The following BOD1L1 variants were observed in gnomAD, a reference collection of about 807,000 sequenced individuals.
The protein encoded by BOD1L1 is biorientation of chromosomes in cell division protein 1-like 1.
Under a neutral mutation model 240.7 loss-of-function variants are expected in BOD1L1, and 86 were observed. That is an observed-to-expected ratio of 0.36 (90% CI 0.30 to 0.43). The LOEUF is 0.43. BOD1L1 is among the 20% of genes least tolerant of loss of function. The probability of loss-of-function intolerance (pLI) is 1.00; values close to 1 mark genes in which losing one functional copy is unlikely to be tolerated. For synonymous variants in BOD1L1, 1,268 were observed against 1,272.3 expected, an observed-to-expected ratio of 1.00 and a Z score of 0.07; for missense variants, 3,554 against 3,643.5, an observed-to-expected ratio of 0.98 and a Z score of 0.63.
intron 13 of BOD1L1, 94 bp downstream of exon 13, chr4:13,591,829 A>G: frequency 5.5e-6 from 5 of 906,654 alleles, no homozygotes; most frequent in Non-Finnish European, 8.3e-6. Context: ...TACACAGGCA[A>G]CCCCTTCAGA....
intron 25 of BOD1L1, among the ~76,000 whole-genome samples, chr4:13,573,762 G>A (rs1298513184): frequency 6.6e-6 from 1 of 152,152 alleles, no homozygotes; most frequent in Admixed American, 6.5e-5. Context: ...GGCCTTAAGT[G>A]AGCCACCAGC....
chr4:13,577,319 G>T, intron 24 of BOD1L1, 84 bp downstream of exon 24: 1 of 1,137,850 alleles, frequency 8.8e-7, no homozygotes, highest in Non-Finnish European at 1.3e-6. Flanking sequence ...TGTACCCATT[G>T]GATTTTTCCT....
intron 1 of BOD1L1, among the ~76,000 whole-genome samples, chr4:13,626,617 T>C (rs1717413503): frequency 6.6e-6 from 1 of 152,198 alleles, no homozygotes; most frequent in Non-Finnish European, 1.5e-5. Context: ...CCAGCCTCTC[T>C]TTCTGGACAG....
At chr4:13,578,990 A>G (rs182910234) in intron 22 of BOD1L1, among the ~76,000 whole-genome samples, 41 of 152,334 alleles carry the variant, frequency 2.7e-4, no homozygotes, top group Middle Eastern at 3.4e-3. Flanking sequence ...AGATTAGTTC[A>G]ATGCACTAGT....
chr4:13,601,166 C>A lies in BOD1L1; in HGVS notation c.5734G>T (p.Val1912Leu), dbSNP rs770615209. 2 of 1,614,024 alleles carry A rather than the reference C, an allele frequency of 1.2e-6. No individual in the cohort carries two copies. Among genetic ancestry groups the A allele is most frequent in the Non-Finnish European group, 1.7e-6 (2 of 1,179,896 alleles). ...CCAGCCTCAGCTTCCACATGCTCTA[C>A]CACAGTACCAATCTGACTGTCCCCT... The part of the protein sequence containing the change: ...AEGDSQIGTV[V>L]EHVEAEAGAA... The change falls in exon 10 of 26, where the codon GTA becomes TTA. Residue 1912 changes from valine to leucine, a missense_variant. Val to Leu is a conservative substitution (Grantham distance 32). Coordinates refer to ENST00000040738, the MANE Select transcript of BOD1L1 (RefSeq NM_148894.3).
At position 13,601,685 on chromosome 4, in the gene BOD1L1, A is replaced by G. The variant is rs1188430749; in HGVS notation, c.5215T>C (p.Phe1739Leu). Reference sequence around the variant, plus strand: ...GCTCCAGTTACTGAGCAGATCACAAAGTTATCACTTCTGCCTTCTGCTCCT... The same window carrying G: ...GCTCCAGTTACTGAGCAGATCACAAGGTTATCACTTCTGCCTTCTGCTCCT... ...CTGAEGRSDN[F>L]VICSVTGAGP... Residue 1739 changes from phenylalanine to leucine, a missense_variant, in exon 10 of 26, where the codon TTT (phenylalanine) becomes CTT (leucine). By Grantham distance (22) the Phe-to-Leu change is conservative. Coordinates refer to ENST00000040738, the MANE Select transcript of BOD1L1 (RefSeq NM_148894.3). 1 of 1,613,912 alleles carries G rather than the reference A, an allele frequency of 6.2e-7. No individual in the cohort carries two copies. Among genetic ancestry groups the G allele is most frequent in the Admixed American group, 1.7e-5 (1 of 60,028 alleles).
intron 25 of BOD1L1, among the ~76,000 whole-genome samples, chr4:13,573,666 G>A (rs1180761289): frequency 6.6e-6 from 1 of 152,012 alleles, no homozygotes; most frequent in Non-Finnish European, 1.5e-5. Context: ...TAGGATTACA[G>A]GAGTCTGCCA....
At chr4:13,598,524 C>T (rs1271410255) in intron 10 of BOD1L1, among the ~76,000 whole-genome samples, 1 of 151,940 alleles carries the variant, frequency 6.6e-6, no homozygotes, top group Admixed American at 6.6e-5. Flanking sequence ...ATTTTCTGAC[C>T]CTATTTCCTC....
At position 13,603,511 on chromosome 4, in the gene BOD1L1, T is replaced by C; in HGVS notation, c.3389A>G (p.Asn1130Ser). ...MEIDSEPGVE[N>S]VFEVSKTQDN... is the part of the protein sequence containing the mutation. ...TTGGGTTTTAGATACTTCAAACACA[T>C]TTTCAACACCTGGCTCAGAATCAAT... Residue 1130 changes from asparagine (N) to serine (S), a missense_variant, in exon 10 of 26, where the codon AAT (asparagine) becomes AGT (serine). This residue lies in a region of BOD1L1 where 3,393 missense variants were observed against 3,427.1 expected (regional missense o/e 0.99). Transcript: ENST00000040738. 1 of 1,613,872 alleles carries C rather than the reference T, an allele frequency of 6.2e-7. No individual in the cohort carries two copies. The highest frequency in any genetic ancestry group is 8.5e-7 in the Non-Finnish European group (1 of 1,179,842).
intron 9 of BOD1L1, 113 bp from the exon 10 acceptor site, chr4:13,605,197 A>C: frequency 1.8e-5 from 16 of 890,338 alleles, no homozygotes; most frequent in Non-Finnish European, 2.3e-5. Context: ...GTAACATCTC[A>C]CTTAATTCTT....
intron 22 of BOD1L1, among the ~76,000 whole-genome samples, 153 bp downstream of exon 22, chr4:13,579,775 T>C (rs1472389627): frequency 6.6e-6 from 1 of 152,156 alleles, no homozygotes; most frequent in African/African-American, 2.4e-5. Flanking sequence ...AGCCAATAGA[T>C]ACAGTCTCTC....
Position 13,602,979 on chromosome 4 carries a change from T to A in BOD1L1, c.3921A>T (p.Arg1307Ser). The stretch of plus-strand genomic sequence containing the variant: ...TGGCTGTGCTACCTTCCAAAACAGT[T>A]CTTTTGTCAAACAGAGGAATTACAT... ...DPDVIPLFDK[R>S]TVLEGSTAST... Residue 1307 changes from arginine (R) to serine (S), a missense_variant, in exon 10 of 26, where the codon AGA (arginine) becomes AGT (serine). By Grantham distance (110) the Arg-to-Ser change is moderately radical (BLOSUM62 -1). Transcript: ENST00000040738. 1 of 1,614,008 alleles carries A rather than the reference T, an allele frequency of 6.2e-7. No individual in the cohort carries two copies. The highest frequency in any genetic ancestry group is 8.5e-7 in the Non-Finnish European group (1 of 1,179,890).
At chr4:13,618,471 C>A (rs999172846) in intron 2 of BOD1L1, among the ~76,000 whole-genome samples, 1 of 152,216 alleles carries the variant, frequency 6.6e-6, no homozygotes, top group African/African-American at 2.4e-5. Context: ...AGGCAGCGGG[C>A]CTGTCACCCA....
At chr4:13,626,132 C>G (rs1717369601) in intron 1 of BOD1L1, 2 of 152,222 alleles carry the variant, frequency 1.3e-5, no homozygotes, top group African/African-American at 4.8e-5. Context: ...ACCATCCTGG[C>G]CAACACGGTG....
intron 2 of BOD1L1, among the ~76,000 whole-genome samples, chr4:13,616,364 C>T (rs1716594154): frequency 6.6e-6 from 1 of 152,166 alleles, no homozygotes; most frequent in Non-Finnish European, 1.5e-5. Flanking sequence ...GCCAAGTCTT[C>T]ATTTCTACAG....
Position 13,591,912 on chromosome 4 carries a change from C to T in BOD1L1, c.8148+11G>A. ...ATAACCACAAAAATCAAAACCATTA[C>T]AGTGACTTACATTTAGTGATTCATT... On this transcript the variant is annotated intron_variant, in intron 13 of 25. Transcript: ENST00000040738. 2 of 1,547,286 alleles carry T rather than the reference C, an allele frequency of 1.3e-6. No individual in the cohort carries two copies. Among genetic ancestry groups the T allele is most frequent in the Non-Finnish European group, 1.7e-6 (2 of 1,146,160 alleles).
chr4:13,623,837 A>G (rs1421718578), intron 1 of BOD1L1: 1 of 152,216 alleles, frequency 6.6e-6, no homozygotes, highest in East Asian at 1.9e-4. Context: ...GCTACAAGTT[A>G]AGACTTTTTG....
intron 1 of BOD1L1, chr4:13,624,057 A>G (rs1157491275): frequency 1.3e-5 from 2 of 152,054 alleles, no homozygotes; most frequent in Non-Finnish European, 2.9e-5. Context: ...AAAATGAAGT[A>G]TAAAATGGTA....
rs2109917 is a variant in BOD1L1, at chr4:13,613,669, C to T, written c.1175-8G>A. On this transcript the variant is annotated splice_region_variant and splice_polypyrimidine_tract_variant and intron_variant, in intron 4 of 25. Transcript: ENST00000040738. The surrounding 1 kb of genome is among the most constrained non-coding windows in gnomAD (Gnocchi z 4.0). ...AATCTATCAAAGAGAAATCTTCAAGCGGAAAATAAAACACAGAAAAAAAAA... is the reference window on the plus strand; with the variant it reads ...AATCTATCAAAGAGAAATCTTCAAGTGGAAAATAAAACACAGAAAAAAAAA... 2.5e-5 allele frequency: 37 copies of T among 1,490,240 alleles called. No homozygotes were observed. The highest frequency in any genetic ancestry group is 3.3e-5 in the Non-Finnish European group (37 of 1,107,980). The allele number at this position is 1,490,240 out of a possible 1,614,324, so 92.3% of individuals were successfully genotyped here.
Sources: gnomAD v4.1 joint callset for allele counts (sites outside exome capture counted in the v4.1 genomes callset) on GRCh38, gnomAD v4.1.1 for gene constraint, gnomAD v4.1.1 regional missense constraint, Gnocchi (gnomAD v3.1) non-coding constraint, MANE v1.5 for transcripts, NCBI Gene and HGNC (gene_info 2026-07-23, HGNC 2026-07-21) for gene names.